AMPD3: variants seen among roughly 807,000 people sequenced by gnomAD.
AMPD3 encodes the protein AMP deaminase 3.
Under a neutral mutation model 82.3 loss-of-function variants are expected in AMPD3, and 57 were observed. The ratio of observed to expected loss-of-function variants is 0.69; its 90% CI spans 0.56 to 0.86. The LOEUF (loss-of-function observed/expected upper bound fraction) is 0.86, where lower values mean the gene tolerates loss of function less well. Among genes scored for constraint, AMPD3 ranks in the 40% least tolerant of loss-of-function variants. The pLI, the probability that AMPD3 is intolerant of heterozygous loss-of-function variation, is 0.00. For synonymous variants in AMPD3, 381 were observed against 394.7 expected, an observed-to-expected ratio of 0.97 and a Z score of 0.41; for missense variants, 870 against 1,003.8, an observed-to-expected ratio of 0.87 and a Z score of 1.80.
rs891484166 is a variant in AMPD3 at position 10,495,505 on chromosome 11, G to A, written c.1267-65G>A. On this transcript the variant is annotated intron_variant, in intron 8 of 14. Coordinates refer to ENST00000396553, the MANE Select transcript of AMPD3 (RefSeq NM_001025389.2). ...GGAGCAACAGGACCCTGCTGGTGAC[G>A]GAGAGTGAGAGTCTCCCATGTAGCT... 1.7e-5 allele frequency: 27 copies of A among 1,610,840 alleles called. No homozygotes were observed. The East Asian group carries it at 4.9e-4, about 29-fold the overall frequency.
upstream of AMPD3, among the ~76,000 whole-genome samples, chr11:10,451,499 G>T (rs1847962376): frequency 6.6e-6 from 1 of 152,232 alleles, no homozygotes; most frequent in Non-Finnish European, 1.5e-5. Flanking sequence ...CCCGGCAAGG[G>T]AGGTGTACAG....
At chr11:10,455,530 G>A (rs1168325948) in intron 1 of AMPD3, 82 bp downstream of exon 1, 2 of 769,214 alleles carry the variant, frequency 2.6e-6, no homozygotes, top group Admixed American at 6.3e-5. Context: ...TGGGGGTGGG[G>A]GTTCTGGTAA....
In AMPD3 at chr11:10,502,841, G is replaced by T; in HGVS notation, c.1963G>T (p.Gly655Ter). Residue 655 changes from glycine to a stop codon, truncating the protein, a stop_gained, in exon 13 of 15, where the codon GGA becomes TGA. Coordinates refer to ENST00000396553, the MANE Select transcript of AMPD3 (RefSeq NM_001025389.2). LOFTEE classifies it high-confidence loss of function. ...KNPLREFLHK[G>*]LHVSLSTDDP... ...CCCTCTGAGGGAATTCCTACACAAG[G>T]GACTGCATGTTTCTCTTTCCACCGA... The T allele has an allele frequency of 6.2e-7, 1 of 1,614,122 alleles. No homozygotes were observed.
intron 2 of AMPD3, chr11:10,477,216 C>A: frequency 1.7e-6 from 1 of 586,642 alleles, no homozygotes; most frequent in African/African-American, 2.0e-5. Flanking sequence ...CACACTAGTA[C>A]CTGGAGAGGA....
chr11:10,460,218 C>T (rs976617203), intron 1 of AMPD3, among the ~76,000 whole-genome samples: 16 of 151,690 alleles, frequency 1.1e-4, no homozygotes, highest in Admixed American at 9.2e-4. Flanking sequence ...CTGCCTCAGC[C>T]TCCCTAGCAG....
chr11:10,464,582 CA>C (rs897196474), intron 2 of AMPD3, among the ~76,000 whole-genome samples: 4 of 152,152 alleles, frequency 2.6e-5, no homozygotes, highest in African/African-American at 9.7e-5. Flanking sequence ...GGAAACTGGT[CA>C]AAGCTCCCGC....
At chr11:10,495,875 A>G in intron 9 of AMPD3, 142 bp downstream of exon 9, 2 of 1,077,076 alleles carry the variant, frequency 1.9e-6, no homozygotes, top group Non-Finnish European at 1.4e-6. Flanking sequence ...ATTTTTCCAT[A>G]GAAGGAGTGA....
In AMPD3 at chr11:10,455,914, CG is replaced by C. The variant is rs1259581672; in HGVS notation, c.-6+468del. 49 of 985,214 alleles carry C rather than the reference CG, an allele frequency of 5.0e-5. 1 individual carries two copies. The Admixed American group carries it at 3.0e-3, about 61-fold the overall frequency. The allele number at this position is 985,214 out of a possible 1,614,324, so 61.0% of individuals were successfully genotyped here. On this transcript the variant is annotated intron_variant, in intron 1 of 14. Coordinates refer to ENST00000396553, the MANE Select transcript of AMPD3 (RefSeq NM_001025389.2). ...AGCCAGGCCTGAAGCACGTTCAGAA[CG>C]GAAGCAGCAAAGGTGATGATATCGC...
rs1310629524 is a variant in AMPD3 at position 10,499,954 on chromosome 11, G to T, written c.1558-132G>T. On this transcript the variant is annotated intron_variant, in intron 10 of 14. Coordinates refer to ENST00000396553, the MANE Select transcript of AMPD3 (RefSeq NM_001025389.2). ...GAATATGGCCTCAGGCAGGCCAAGG[G>T]GTCCCCAGCTGAGGTGTGAACCTGA... 1.2e-5 allele frequency: 18 copies of T among 1,523,824 alleles called. No individual in the cohort carries two copies. The African/African-American group carries it at 2.3e-4, about 20-fold the overall frequency. 94.4% of individuals were successfully genotyped at this position (1,523,824 alleles called of 1,614,324 possible). A position where few individuals can be genotyped will look rare whatever the true frequency, so the allele number is the denominator to read the frequency against.
intron 6 of AMPD3, among the ~76,000 whole-genome samples, chr11:10,491,657 G>A (rs935355828): frequency 2.0e-5 from 3 of 152,176 alleles, no homozygotes; most frequent in African/African-American, 7.2e-5. Flanking sequence ...TAGAACTGAT[G>A]AGACTCACTG....
At chr11:10,454,695 C>G (rs538486837), upstream of AMPD3, among the ~76,000 whole-genome samples, 1 of 152,260 alleles carries the variant, frequency 6.6e-6, no homozygotes, top group African/African-American at 2.4e-5. Context: ...ATTCCCTGAA[C>G]GTGTCGGACT....
At chr11:10,450,998 C>A (rs757694512), upstream of AMPD3, 43 of 1,574,624 alleles carry the variant, frequency 2.7e-5, no homozygotes, top group African/African-American at 5.4e-4. Context: ...TCCAGCCCTG[C>A]GGCCGTCCCT....
chr11:10,450,396 G>T, upstream of AMPD3: 1 of 981,168 alleles, frequency 1.0e-6, no homozygotes, highest in Non-Finnish European at 1.2e-6. Context: ...CCAGAAGGAC[G>T]CCTGGAAGAA....
In AMPD3 at chr11:10,482,226, G is replaced by C. The variant is rs1345757922; in HGVS notation, c.589+1G>C. On this transcript the variant is annotated splice_donor_variant, in intron 4 of 14. Transcript: ENST00000396553. LOFTEE classifies it high-confidence loss of function. ...GCACCTCCGGAAGAGGGCCTTCCAG[G>C]TATGGAGCTCTGGCTGGAGGTTGGG... The C allele has an allele frequency of 2.5e-6, 4 of 1,611,184 alleles. No individual in the cohort carries two copies. The highest frequency in any genetic ancestry group is 3.4e-6 in the Non-Finnish European group (4 of 1,179,102).
chr11:10,464,048 G>A (rs893409397), intron 2 of AMPD3, among the ~76,000 whole-genome samples: 2 of 152,186 alleles, frequency 1.3e-5, no homozygotes, highest in Non-Finnish European at 2.9e-5. Flanking sequence ...CTGGGCCTCA[G>A]CCTCGTCCTC....
chr11:10,477,160 T>G (rs538971993), intron 2 of AMPD3: 1 of 967,214 alleles, frequency 1.0e-6, no homozygotes, highest in Non-Finnish European at 1.2e-6. Context: ...GGGTAAGCCC[T>G]GAAACTTATT....
In AMPD3 at chr11:10,500,189, C is replaced by T; in HGVS notation, c.1661C>T (p.Pro554Leu). 1 of 1,614,232 alleles carries T rather than the reference C, an allele frequency of 6.2e-7. No individual in the cohort carries two copies. Residue 554 changes from proline (P) to leucine (L), a missense_variant, in exon 11 of 15, where the codon CCC (proline) becomes CTC (leucine). Pro to Leu is a moderately conservative substitution (Grantham distance 98). Transcript: ENST00000396553. ...PDVWTSEQNP[P>L]YSYYLYYMYA... ...GTCTGGACCAGTGAGCAGAACCCAC[C>T]CTACAGCTACTACCTGTACTACATG... is the stretch of plus-strand genomic sequence containing the variant.
intron 6 of AMPD3, among the ~76,000 whole-genome samples, chr11:10,492,159 T>G (rs557024566): frequency 6.6e-6 from 1 of 152,292 alleles, no homozygotes; most frequent in African/African-American, 2.4e-5. Context: ...CATGAGGTGT[T>G]TTGAGACCTT....
At chr11:10,489,788 C>T (rs1459619486) in intron 6 of AMPD3, among the ~76,000 whole-genome samples, 1 of 152,010 alleles carries the variant, frequency 6.6e-6, no homozygotes, top group African/African-American at 2.4e-5. Flanking sequence ...TCAAGTGATT[C>T]TCCTGCCTCA....
Sources: allele counts gnomAD v4.1 joint callset (sites outside exome capture counted in the v4.1 genomes callset), GRCh38; gene constraint gnomAD v4.1.1; transcripts MANE v1.5; gene names NCBI Gene and HGNC (gene_info 2026-07-23, HGNC 2026-07-21).